The following ERC1 variants were observed in gnomAD, a reference collection of about 807,000 sequenced individuals.
The protein encoded by ERC1 is ELKS/RAB6-interacting/CAST family member 1.
In ERC1, 56 loss-of-function variants were observed where a neutral mutation model predicts 132.0. The observed-to-expected ratio is 0.42, with a 90% CI of 0.34 to 0.53. The LOEUF is 0.53. Among genes scored for constraint, ERC1 ranks in the 20% least tolerant of loss-of-function variants. The pLI is 0.03. For missense variants in ERC1, 1,202 were observed against 1,349.9 expected (o/e 0.89, Z 1.72); for synonymous variants, 478 against 476.1 (o/e 1.00, Z -0.05).
intron 1 of ERC1, among the ~76,000 whole-genome samples, chr12:1,018,457 C>A (rs562030365): frequency 6.6e-6 from 1 of 152,090 alleles, no homozygotes; most frequent in Non-Finnish European, 1.5e-5. Flanking sequence ...TCAAGTGATC[C>A]GCCTGCCTCG....
intron 11 of ERC1, among the ~76,000 whole-genome samples, chr12:1,187,931 A>G (rs1308834018): frequency 1.3e-5 from 2 of 152,176 alleles, no homozygotes; most frequent in African/African-American, 4.8e-5. Flanking sequence ...ACTTAGGTCA[A>G]GGTCATGGAG....
At chr12:1,029,227 C>G (rs1052085879) in intron 2 of ERC1, among the ~76,000 whole-genome samples, 1 of 152,066 alleles carries the variant, frequency 6.6e-6, no homozygotes, top group Admixed American at 6.6e-5. Flanking sequence ...TGGCGTGTGC[C>G]TGTAATCCCA....
chr12:1,351,998 A>G (rs967434265), intron 15 of ERC1, among the ~76,000 whole-genome samples: 2 of 152,170 alleles, frequency 1.3e-5, no homozygotes, highest in African/African-American at 4.8e-5. Flanking sequence ...TGCTGAGTAT[A>G]TACTGCTTTG....
chr12:1,338,042 T>C (rs2083460449), intron 15 of ERC1, among the ~76,000 whole-genome samples: 3 of 152,192 alleles, frequency 2.0e-5, no homozygotes, highest in Admixed American at 6.5e-5. Context: ...AAGGATCTCA[T>C]TGGGGTTCTC....
chr12:1,462,538 G>A (rs1391154869), intron 18 of ERC1, among the ~76,000 whole-genome samples: 2 of 152,146 alleles, frequency 1.3e-5, no homozygotes, highest in Non-Finnish European at 2.9e-5. Flanking sequence ...TGAATCTTCA[G>A]AAACACTGTG....
intron 15 of ERC1, among the ~76,000 whole-genome samples, chr12:1,321,277 T>C (rs558815780): frequency 1.3e-5 from 2 of 152,302 alleles, no homozygotes; most frequent in African/African-American, 4.8e-5. Context: ...GAGAATTAAA[T>C]GCAAAATTGT....
chr12:1,244,629 C>T, intron 13 of ERC1: 2 of 434,472 alleles, frequency 4.6e-6, no homozygotes, highest in Non-Finnish European at 9.3e-6. Flanking sequence ...TCAAGTGATT[C>T]TCATGCCTCA....
At chr12:1,099,458 T>C (rs1384480524) in intron 3 of ERC1, among the ~76,000 whole-genome samples, 1 of 152,184 alleles carries the variant, frequency 6.6e-6, no homozygotes, top group African/African-American at 2.4e-5. Flanking sequence ...CTGTTCATCC[T>C]TCAGCTCTCA....
intron 15 of ERC1, among the ~76,000 whole-genome samples, chr12:1,355,714 C>T (rs2085457378): frequency 6.6e-6 from 1 of 152,176 alleles, no homozygotes. Context: ...TCGTCAGCTC[C>T]AACTGGTCAC....
chr12:1,345,554 G>A (rs1020927003), intron 15 of ERC1, among the ~76,000 whole-genome samples: 1 of 152,052 alleles, frequency 6.6e-6, no homozygotes, highest in Non-Finnish European at 1.5e-5. Context: ...ATAGAGATTG[G>A]GGTTATGTTT....
At chr12:1,461,654 C>T (rs1280050387) in intron 18 of ERC1, among the ~76,000 whole-genome samples, 8 of 151,900 alleles carry the variant, frequency 5.3e-5, no homozygotes, top group Non-Finnish European at 1.2e-4. Flanking sequence ...GAGACAAGAG[C>T]GAAACTCTGT....
chr12:1,473,444 A>G (rs1485583879), intron 18 of ERC1, among the ~76,000 whole-genome samples: 1 of 151,990 alleles, frequency 6.6e-6, no homozygotes, highest in Non-Finnish European at 1.5e-5. Context: ...AAATTCATAC[A>G]TTGCCTGGCA....
intron 15 of ERC1, among the ~76,000 whole-genome samples, chr12:1,345,117 T>G (rs1270555059): frequency 1.3e-5 from 2 of 152,190 alleles, no homozygotes; most frequent in Non-Finnish European, 2.9e-5. Flanking sequence ...ACATGCCATT[T>G]TAAATAAAAA....
chr12:1,395,977 C>T (rs1451998618), intron 16 of ERC1, among the ~76,000 whole-genome samples: 2 of 151,376 alleles, frequency 1.3e-5, no homozygotes, highest in Non-Finnish European at 2.9e-5. Flanking sequence ...AAGTGAATAT[C>T]CATAATCAAC....
rs117531421 is a variant in ERC1, at chr12:1,123,564, C to T, written c.1569+7531C>T. Among the ~76,000 whole-genome samples, 933 of 152,178 alleles carry T rather than the reference C, an allele frequency of 6.1e-3. 4 individuals are homozygous for T. The highest frequency in any genetic ancestry group is 0.02 in the Middle Eastern group (6 of 294). On this transcript the variant is annotated intron_variant, in intron 7 of 18. Coordinates refer to ENST00000360905, the MANE Select transcript of ERC1 (RefSeq NM_178040.4). ...AAGTTATATCAGGAAAATAGGCCTTCCCAAATATGATTTATTTTAATATTG... is the reference window on the plus strand; with the variant it reads ...AAGTTATATCAGGAAAATAGGCCTTTCCAAATATGATTTATTTTAATATTG...
At chr12:1,029,427 G>A (rs1052688561) in intron 2 of ERC1, among the ~76,000 whole-genome samples, 2 of 152,188 alleles carry the variant, frequency 1.3e-5, no homozygotes, top group African/African-American at 4.8e-5. Context: ...GCCATTCATG[G>A]AAGTTTAACT....
chr12:1,195,730 G>A (rs1462964193), intron 12 of ERC1, among the ~76,000 whole-genome samples: 1 of 152,178 alleles, frequency 6.6e-6, no homozygotes, highest in East Asian at 1.9e-4. Context: ...AGTTGGAACT[G>A]AAATGGACTA....
intron 15 of ERC1, among the ~76,000 whole-genome samples, chr12:1,299,233 A>G (rs1215474208): frequency 6.6e-6 from 1 of 152,236 alleles, no homozygotes; most frequent in Non-Finnish European, 1.5e-5. Flanking sequence ...ATGTTTTTTA[A>G]GTGCATATGG....
At chr12:1,098,924 CAG>C (rs1170274020) in intron 3 of ERC1, among the ~76,000 whole-genome samples, 2 of 152,168 alleles carry the variant, frequency 1.3e-5, no homozygotes, top group Non-Finnish European at 2.9e-5. Context: ...GTGAAGGAAA[CAG>C]AGAAAGTGCA....
Sources: gnomAD v4.1 joint callset for allele counts (sites outside exome capture counted in the v4.1 genomes callset) on GRCh38, gnomAD v4.1.1 for gene constraint, MANE v1.5 for transcripts, NCBI Gene and HGNC (gene_info 2026-07-23, HGNC 2026-07-21) for gene names.